The following MYZAP variants were observed in gnomAD, a reference collection of about 807,000 sequenced individuals.
MYZAP encodes myocardial zonula adherens protein.
In MYZAP, 66 loss-of-function variants were observed where a neutral mutation model predicts 69.4. That is an observed-to-expected ratio of 0.95 (90% confidence interval 0.78 to 1.17). The LOEUF is 1.17. MYZAP is among the 50% of genes most tolerant of loss of function. The pLI is 0.00. For missense variants in MYZAP, 611 were observed against 556.2 expected (o/e 1.10, Z -0.99); for synonymous variants, 256 against 205.9 (o/e 1.24, Z -2.09).
chr15:57,650,848 G>C (rs1394135290), intron 10 of MYZAP, among the ~76,000 whole-genome samples: 1 of 152,206 alleles, frequency 6.6e-6, no homozygotes. Flanking sequence ...AAAACATGCA[G>C]ACCAGAAAGT....
At chr15:57,661,984 C>T (rs1413539839) in intron 11 of MYZAP, among the ~76,000 whole-genome samples, 1 of 152,134 alleles carries the variant, frequency 6.6e-6, no homozygotes, top group Non-Finnish European at 1.5e-5. Context: ...CTCAAGGTTG[C>T]CCAGCTTAAT....
chr15:57,613,001 G>A (rs568793281), intron 2 of MYZAP, among the ~76,000 whole-genome samples: 3 of 150,824 alleles, frequency 2.0e-5, no homozygotes, highest in African/African-American at 7.3e-5. Flanking sequence ...GTGCGATCTC[G>A]GCTCACTGCA....
rs1361348815 is a variant in MYZAP, at chr15:57,637,697, A to G, written c.936A>G (p.Glu312=). 2 of 1,612,464 alleles carry G rather than the reference A, an allele frequency of 1.2e-6. No homozygotes were observed. Among genetic ancestry groups the G allele is most frequent in the Non-Finnish European group, 1.7e-6 (2 of 1,179,252 alleles). ...ATATCAGTTTCTGTTTGTTTTAGGA[A>G]CGTCATCAACTGCAACTTCAACTCC... The part of the protein sequence containing the change: ...LDRLIERMEK[E]RHQLQLQLLE... The change falls in exon 9 of 13, where the codon GAA becomes GAG. Residue 312 remains glutamate (E), a splice_region_variant and synonymous_variant. Transcript: ENST00000267853.
chr15:57,638,208 C>T (rs2036927368), intron 9 of MYZAP, among the ~76,000 whole-genome samples: 2 of 152,148 alleles, frequency 1.3e-5, no homozygotes, highest in African/African-American at 2.4e-5. Context: ...TAAAGCCCTA[C>T]ATGAAAAACA....
At chr15:57,621,818 A>G in intron 4 of MYZAP, 118 bp downstream of exon 4, 1 of 873,938 alleles carries the variant, frequency 1.1e-6, no homozygotes, top group Non-Finnish European at 1.6e-6. Flanking sequence ...ATAGAATTAC[A>G]TTTTAAATAA....
chr15:57,607,029 C>T (rs2034795618), intron 2 of MYZAP, among the ~76,000 whole-genome samples: 1 of 152,184 alleles, frequency 6.6e-6, no homozygotes, highest in Non-Finnish European at 1.5e-5. Context: ...CCTCACTGCT[C>T]CTCTCCCTGC....
chr15:57,621,902 A>G (rs901438972), intron 4 of MYZAP, among the ~76,000 whole-genome samples: 1 of 152,222 alleles, frequency 6.6e-6, no homozygotes, highest in Non-Finnish European at 1.5e-5. Flanking sequence ...AATCGTATTC[A>G]TATTCAAAGC....
intron 12 of MYZAP, among the ~76,000 whole-genome samples, chr15:57,679,183 A>G (rs1190826949): frequency 1.3e-5 from 2 of 152,208 alleles, no homozygotes; most frequent in Non-Finnish European, 2.9e-5. Flanking sequence ...TCTCAAAAAA[A>G]AATGCATTTA....
At chr15:57,674,870 C>A in intron 11 of MYZAP, 98 bp from the exon 12 acceptor site, 3 of 1,039,348 alleles carry the variant, frequency 2.9e-6, no homozygotes, top group Non-Finnish European at 4.2e-6. Context: ...TTGCCCATGT[C>A]ATGGGGCAAA....
chr15:57,598,827 G>T (rs1406172320), intron 1 of MYZAP, among the ~76,000 whole-genome samples: 1 of 152,160 alleles, frequency 6.6e-6, no homozygotes, highest in African/African-American at 2.4e-5. Flanking sequence ...AGACTAGAAC[G>T]CCTTGCCTGA....
intron 11 of MYZAP, among the ~76,000 whole-genome samples, chr15:57,674,111 A>G (rs1370102903): frequency 6.6e-6 from 1 of 152,208 alleles, no homozygotes; most frequent in African/African-American, 2.4e-5. Context: ...ATACGCAGAC[A>G]TAACCACTGT....
At chr15:57,634,927 A>T (rs917328917) in intron 8 of MYZAP, among the ~76,000 whole-genome samples, 1 of 152,154 alleles carries the variant, frequency 6.6e-6, no homozygotes, top group Non-Finnish European at 1.5e-5. Context: ...AGCTTGAGTG[A>T]GCTTCCTCCC....
intron 7 of MYZAP, 33 bp downstream of exon 7, chr15:57,632,592 C>A (rs2036574118): frequency 6.2e-7 from 1 of 1,611,466 alleles, no homozygotes; most frequent in Non-Finnish European, 8.5e-7. Context: ...TGTAAACTTA[C>A]CGGGAATTGT....
intron 12 of MYZAP, 43 bp downstream of exon 12, chr15:57,675,111 C>G: frequency 6.6e-7 from 1 of 1,522,610 alleles, no homozygotes; most frequent in Non-Finnish European, 9.0e-7. Flanking sequence ...TCAAATTCCT[C>G]TTTGGCTGAA....
intron 2 of MYZAP, among the ~76,000 whole-genome samples, chr15:57,614,838 A>G (rs1239693990): frequency 6.6e-6 from 1 of 152,242 alleles, no homozygotes; most frequent in African/African-American, 2.4e-5. Context: ...ACCCTGGAAG[A>G]AGAGAAGTCA....
chr15:57,680,502 C>G (rs1390996414), intron 12 of MYZAP, among the ~76,000 whole-genome samples: 1 of 150,564 alleles, frequency 6.6e-6, no homozygotes, highest in East Asian at 1.9e-4. Flanking sequence ...CACACACACA[C>G]ACACACACAC....
intron 10 of MYZAP, among the ~76,000 whole-genome samples, chr15:57,657,604 T>G (rs559490387): frequency 2.7e-4 from 41 of 152,332 alleles, no homozygotes; most frequent in African/African-American, 9.1e-4. Context: ...TTTATTACCC[T>G]TTCCTTTAGT....
chr15:57,625,643 CTT>C (rs2036085913), intron 4 of MYZAP, 134 bp from the exon 5 acceptor site: 1 of 781,104 alleles, frequency 1.3e-6, no homozygotes, highest in African/African-American at 1.7e-5. Flanking sequence ...CAGATGTTGA[CTT>C]TTAATTTAAA....
At chr15:57,676,422 G>A (rs9920877) in intron 12 of MYZAP, among the ~76,000 whole-genome samples, 6,072 of 24,554 alleles carry the variant, frequency 0.25, 420 homozygotes, top group African/African-American at 0.35. Flanking sequence ...ATATATATGT[G>A]TATATATATA....
Sources: gnomAD v4.1 joint callset for allele counts (sites outside exome capture counted in the v4.1 genomes callset) on GRCh38, gnomAD v4.1.1 for gene constraint, MANE v1.5 for transcripts, NCBI Gene and HGNC (gene_info 2026-07-23, HGNC 2026-07-21) for gene names.